The following HIVEP2 variants were observed in gnomAD, a reference collection of about 807,000 sequenced individuals.
The protein encoded by HIVEP2 is transcription factor HIVEP2.
A neutral mutation model predicts 180.7 loss-of-function variants in HIVEP2; 14 were observed. That is an observed-to-expected ratio of 0.08 (90% CI 0.05 to 0.12). The LOEUF (loss-of-function observed/expected upper bound fraction) is 0.12, where lower values mean the gene tolerates loss of function less well. Ranked by LOEUF, HIVEP2 falls within the 10% of genes least tolerant of loss-of-function variation. The pLI is 1.00. For synonymous variants in HIVEP2, 1,184 were observed against 1,136.4 expected (o/e 1.04, Z -0.84); for missense variants, 2,579 against 3,008.5 (o/e 0.86, Z 3.34).
intron 2 of HIVEP2, among the ~76,000 whole-genome samples, chr6:142,791,343 G>A (rs2114723029): frequency 6.6e-6 from 1 of 151,960 alleles, no homozygotes; most frequent in South Asian, 2.1e-4. Context: ...GAGGGAAGGG[G>A]CTCAAGTGGA....
rs377649451 is a variant in HIVEP2 at position 142,944,855 on chromosome 6, G to A, written c.-641+244C>T. The A allele has an allele frequency of 2.6e-5, 4 of 152,306 alleles. No individual in the cohort carries two copies. In the South Asian group the frequency reaches 6.2e-4, roughly 24 times the overall value. The allele number at this position is 152,306 out of a possible 1,614,324, so 9.4% of individuals were successfully genotyped here. A position where few individuals can be genotyped will look rare whatever the true frequency, so the allele number is the denominator to read the frequency against. On this transcript the variant is annotated intron_variant, in intron 1 of 9. Transcript: ENST00000367603. ...AGCGGCCAGAGCCGCTCTGCAGCCG[G>A]TGCACCCGCAAGGCGAGGGCGCCTC...
intron 1 of HIVEP2, among the ~76,000 whole-genome samples, chr6:142,897,737 A>G (rs1275966732): frequency 6.6e-6 from 1 of 152,244 alleles, no homozygotes; most frequent in Non-Finnish European, 1.5e-5. Flanking sequence ...CAGAATGCTG[A>G]TAATGTTCAA....
In HIVEP2 at chr6:142,759,859, C is replaced by A. The variant is rs192032720; in HGVS notation, c.6429G>T (p.Ala2143=). Residue 2143 remains alanine, a synonymous_variant, in exon 9 of 10, where the codon GCG becomes GCT. Coordinates refer to ENST00000367603, the MANE Select transcript of HIVEP2 (RefSeq NM_006734.4). ...RERRYMTTIR[A]PSPRRALYHN... is the part of the protein sequence containing the mutation. ...GGTATAAAGCCCTTCTGGGAGATGG[C>A]GCTCTTATTGTGGTCATGTATCTTC... 1.2e-6 allele frequency: 2 copies of A among 1,614,036 alleles called. No individual in the cohort carries two copies. Among genetic ancestry groups the A allele is most frequent in the Non-Finnish European group, 1.7e-6 (2 of 1,179,928 alleles).
At chr6:142,840,998 T>C (rs1045512558) in intron 1 of HIVEP2, among the ~76,000 whole-genome samples, 2 of 152,096 alleles carry the variant, frequency 1.3e-5, no homozygotes, top group Non-Finnish European at 2.9e-5. Context: ...ATTATTCTCT[T>C]ATTTAAAAAT....
chr6:142,799,494 T>A (rs778390168), intron 2 of HIVEP2, among the ~76,000 whole-genome samples: 1 of 152,154 alleles, frequency 6.6e-6, no homozygotes, highest in Admixed American at 6.6e-5. Context: ...CATCAGGCAT[T>A]ATCTCTTCTT....
chr6:142,890,384 C>T (rs1776827660), intron 1 of HIVEP2, among the ~76,000 whole-genome samples: 3 of 152,218 alleles, frequency 2.0e-5, no homozygotes, highest in African/African-American at 7.2e-5. Context: ...CATATTCGTG[C>T]ACTTGCTCTG....
At chr6:142,889,738 T>A (rs1364713076) in intron 1 of HIVEP2, among the ~76,000 whole-genome samples, 2 of 152,190 alleles carry the variant, frequency 1.3e-5, no homozygotes, top group African/African-American at 4.8e-5. Flanking sequence ...ATTATTATGT[T>A]TAGTGATTTC....
intron 1 of HIVEP2, among the ~76,000 whole-genome samples, chr6:142,854,222 T>C (rs1775761690): frequency 6.6e-6 from 1 of 152,134 alleles, no homozygotes; most frequent in South Asian, 2.1e-4. Flanking sequence ...TTCTTTCTGG[T>C]TGCCAAGACT....
rs561812436 is a variant in HIVEP2 at position 142,848,888 on chromosome 6, A to G, written c.-640-11841T>C. Reference sequence around the variant, plus strand: ...GTTCAACCCCAAGTCTATGAAAGGAACTAGAGGCTTCTCTTCACTTCTGAG... The same window carrying G: ...GTTCAACCCCAAGTCTATGAAAGGAGCTAGAGGCTTCTCTTCACTTCTGAG... On this transcript the variant is annotated intron_variant, in intron 1 of 9. Coordinates refer to ENST00000367603, the MANE Select transcript of HIVEP2 (RefSeq NM_006734.4). 5.3e-5 allele frequency among the ~76,000 whole-genome samples: 8 copies of G among 152,344 alleles called. No individual in the cohort carries two copies. The South Asian group carries it at 1.7e-3, about 32-fold the overall frequency.
intron 1 of HIVEP2, among the ~76,000 whole-genome samples, chr6:142,911,139 T>TAAAAAAAAAAAAAAAAAAAAATA (rs5880554): frequency 9.4e-6 from 1 of 106,230 alleles, no homozygotes; most frequent in Non-Finnish European, 1.9e-5. Flanking sequence ...ACAAACACAT[T>TAAAAAAAAAAAAAAAAAAAAATA]AAAAAAAAAA....
At chr6:142,869,265 T>C (rs945690718) in intron 1 of HIVEP2, among the ~76,000 whole-genome samples, 13 of 152,216 alleles carry the variant, frequency 8.5e-5, no homozygotes, top group Admixed American at 3.3e-4. Flanking sequence ...TGATAGTATG[T>C]CATGCTTTCT....
At chr6:142,788,090 G>A (rs576183386) in intron 2 of HIVEP2, 1 of 152,268 alleles carries the variant, frequency 6.6e-6, no homozygotes, top group Non-Finnish European at 1.5e-5. Flanking sequence ...ATTAAAACTA[G>A]TGAAAACAAA....
At chr6:142,896,639 T>G (rs931633683) in intron 1 of HIVEP2, among the ~76,000 whole-genome samples, 1 of 151,984 alleles carries the variant, frequency 6.6e-6, no homozygotes, top group Non-Finnish European at 1.5e-5. Context: ...GCCTTTCACT[T>G]CACAAAAAAG....
At chr6:142,820,508 G>A (rs917046816) in intron 2 of HIVEP2, among the ~76,000 whole-genome samples, 69 of 152,178 alleles carry the variant, frequency 4.5e-4, no homozygotes, top group African/African-American at 1.6e-3. Flanking sequence ...CAGCATCCAC[G>A]AAGGAAAAGG....
chr6:142,808,583 C>T (rs528449782), intron 2 of HIVEP2, among the ~76,000 whole-genome samples: 35 of 128,338 alleles, frequency 2.7e-4, no homozygotes, highest in African/African-American at 8.4e-4. Flanking sequence ...GAGGGATGGA[C>T]GGATGGATAG....
intron 1 of HIVEP2, among the ~76,000 whole-genome samples, chr6:142,908,424 T>A (rs1267245504): frequency 6.6e-6 from 1 of 152,210 alleles, no homozygotes; most frequent in Non-Finnish European, 1.5e-5. Flanking sequence ...GCATATTCTG[T>A]CTTTTCCAGT....
In HIVEP2 at chr6:142,768,499, A is replaced by G; in HGVS notation, c.5225T>C (p.Leu1742Pro). Residue 1742 changes from leucine (L) to proline (P), a missense_variant, in exon 6 of 10, where the codon CTA becomes CCA. This residue lies in a region of HIVEP2 where 349 missense variants were observed against 367.2 expected (regional missense o/e 0.95). Coordinates refer to ENST00000367603, the MANE Select transcript of HIVEP2 (RefSeq NM_006734.4). ...GATATTTCCCACTAGTTTCCTTTCT[A>G]GTTTGCTGCCAAATAAAAAGGACGC... Reference protein sequence around the residue: ...PDASFLFGSKLERKLVGNILK... With the variant: ...PDASFLFGSKPERKLVGNILK... The G allele has an allele frequency of 6.2e-7, 1 of 1,613,318 alleles. No homozygotes were observed. The highest frequency in any genetic ancestry group is 8.5e-7 in the Non-Finnish European group (1 of 1,179,650).
Position 142,944,108 on chromosome 6 carries a change from A to G in HIVEP2, c.-641+991T>C, listed in dbSNP as rs375207695. ...TTTTAAGTCAGAGATGAGAGGAGCC[A>G]CTTGAAGAAACCCTCCTTCCCTTCT... On this transcript the variant is annotated intron_variant, in intron 1 of 9. Coordinates refer to ENST00000367603, the MANE Select transcript of HIVEP2 (RefSeq NM_006734.4). 1.2e-4 allele frequency among the ~76,000 whole-genome samples: 19 copies of G among 152,294 alleles called. 1 individual carries two copies. In the South Asian group the frequency reaches 3.5e-3, roughly 28 times the overall value.
At chr6:142,837,420 T>A (rs198649) in intron 1 of HIVEP2, among the ~76,000 whole-genome samples, 2 of 152,070 alleles carry the variant, frequency 1.3e-5, no homozygotes, top group African/African-American at 2.4e-5. Flanking sequence ...CTAATTTACT[T>A]ATGCAATGAA....
Sources: allele counts gnomAD v4.1 joint callset (sites outside exome capture counted in the v4.1 genomes callset), GRCh38; gene constraint gnomAD v4.1.1; regional missense constraint gnomAD v4.1.1; transcripts MANE v1.5; gene names NCBI Gene and HGNC (gene_info 2026-07-23, HGNC 2026-07-21).